TXNRD1: variants seen among roughly 807,000 people sequenced by gnomAD.
TXNRD1 encodes thioredoxin reductase 1, cytoplasmic.
Under a neutral mutation model 80.3 loss-of-function variants are expected in TXNRD1, and 57 were observed. The observed-to-expected ratio is 0.71, with a 90% confidence interval of 0.57 to 0.89. The LOEUF is 0.89. TXNRD1 is among the 40% of genes least tolerant of loss of function. The pLI is 0.00. For missense variants in TXNRD1, 730 were observed against 803.0 expected, an observed-to-expected ratio of 0.91 and a Z score of 1.10; for synonymous variants, 291 against 285.2, an observed-to-expected ratio of 1.02 and a Z score of -0.20.
chr12:104,289,070 G>A (rs543623757), intron 4 of TXNRD1, 30 bp downstream of exon 4: 1 of 1,601,382 alleles, frequency 6.2e-7, no homozygotes, highest in Non-Finnish European at 8.5e-7. Flanking sequence ...CTTTTTAAAC[G>A]GGGGATGAGC....
chr12:104,320,646 G>GTTT (rs777199543), intron 9 of TXNRD1, among the ~76,000 whole-genome samples: 1 of 146,230 alleles, frequency 6.8e-6, no homozygotes, highest in Non-Finnish European at 1.5e-5. Context: ...GATATTGAAA[G>GTTT]TTTTTTTTTT....
At chr12:104,299,079 AC>A (rs1386301315) in intron 4 of TXNRD1, among the ~76,000 whole-genome samples, 1 of 152,208 alleles carries the variant, frequency 6.6e-6, no homozygotes, top group African/African-American at 2.4e-5. Context: ...GTGAAACATC[AC>A]ATCTCACAAA....
chr12:104,257,922 C>A, intron 2 of TXNRD1, 97 bp from the exon 3 acceptor site: 1 of 873,004 alleles, frequency 1.1e-6, no homozygotes, highest in Non-Finnish European at 1.8e-6. Context: ...AAGGTGAAGG[C>A]TGGTTGAGGA....
chr12:104,321,440 C>A, intron 10 of TXNRD1, 124 bp downstream of exon 10: 1 of 704,376 alleles, frequency 1.4e-6, no homozygotes, highest in Non-Finnish European at 2.4e-6. Flanking sequence ...GATTCCCCTA[C>A]TGTTGTATAC....
intron 1 of TXNRD1, 118 bp downstream of exon 1, chr12:104,216,011 T>G: frequency 1.2e-6 from 1 of 824,642 alleles, no homozygotes; most frequent in Non-Finnish European, 1.8e-6. Context: ...CTGGAGTCAG[T>G]GACTGACCGC....
rs943757446 is a variant in TXNRD1, at chr12:104,327,503, A to G, written c.1386-12A>G. ...GTAATTAATGATGATTTTTAACTGA[A>G]TAAAATTGCAGGACTGGAAAAATAC... On this transcript the variant is annotated splice_polypyrimidine_tract_variant and intron_variant, in intron 12 of 16. Coordinates refer to ENST00000525566, the MANE Select transcript of TXNRD1 (RefSeq NM_001093771.3). 2 of 1,603,560 alleles carry G rather than the reference A, an allele frequency of 1.2e-6. No individual in the cohort carries two copies. Among genetic ancestry groups the G allele is most frequent in the Non-Finnish European group, 1.7e-6 (2 of 1,173,228 alleles).
intron 3 of TXNRD1, 83 bp downstream of exon 3, chr12:104,258,162 C>G (rs1264997478): frequency 8.8e-7 from 1 of 1,137,546 alleles, no homozygotes; most frequent in Non-Finnish European, 1.3e-6. Context: ...AATTTGTCTT[C>G]CTTGAGGTTT....
At chr12:104,293,904 C>T (rs2034322184) in intron 4 of TXNRD1, among the ~76,000 whole-genome samples, 1 of 152,150 alleles carries the variant, frequency 6.6e-6, no homozygotes, top group Non-Finnish European at 1.5e-5. Context: ...GGTAAGGTCA[C>T]GTGGGTCATG....
chr12:104,268,653 A>G (rs1454108808), intron 3 of TXNRD1, among the ~76,000 whole-genome samples: 6 of 151,238 alleles, frequency 4.0e-5, no homozygotes, highest in African/African-American at 1.5e-4. Context: ...TGAGTAGCTG[A>G]GACTACAGGC....
intron 3 of TXNRD1, chr12:104,287,420 C>T (rs1197409579): frequency 2.2e-5 from 35 of 1,613,560 alleles, no homozygotes; most frequent in Non-Finnish European, 3.0e-5. Flanking sequence ...TGCAGAACAG[C>T]GGAGAAAATG....
intron 13 of TXNRD1, among the ~76,000 whole-genome samples, chr12:104,328,081 C>T (rs954863280): frequency 8.6e-5 from 13 of 150,748 alleles, no homozygotes; most frequent in South Asian, 2.1e-4. Flanking sequence ...ATTGCTTGAA[C>T]GGGGAACTGG....
Position 104,215,954 on chromosome 12 carries a change from G to A in TXNRD1, c.91+61G>A. The A allele has an allele frequency of 7.0e-6, 10 of 1,438,092 alleles. No individual in the cohort carries two copies. The South Asian group carries it at 1.2e-4, about 18-fold the overall frequency. 89.1% of individuals were successfully genotyped at this position (1,438,092 alleles called of 1,614,324 possible). A position where few individuals can be genotyped will look rare whatever the true frequency, so the allele number is the denominator to read the frequency against. ...ACGGGCCGAAGCGGGCCTTCCGGCC[G>A]GGGTTGGGGATAAAGTGCCCCGGAG... On this transcript the variant is annotated intron_variant, in intron 1 of 16. Coordinates refer to ENST00000525566, the MANE Select transcript of TXNRD1 (RefSeq NM_001093771.3).
chr12:104,344,929 T>C (rs1020939051), intron 16 of TXNRD1, among the ~76,000 whole-genome samples: 1 of 152,202 alleles, frequency 6.6e-6, no homozygotes, highest in African/African-American at 2.4e-5. Context: ...GGAACTCTTT[T>C]CTCTGCCAAA....
At chr12:104,266,768 C>A (rs1447339654) in intron 3 of TXNRD1, among the ~76,000 whole-genome samples, 1 of 151,942 alleles carries the variant, frequency 6.6e-6, no homozygotes, top group East Asian at 1.9e-4. Flanking sequence ...TCAAGACCAT[C>A]TGGCTAACAG....
rs1222919262 is a variant in TXNRD1 at position 104,323,717 on chromosome 12, C to T, written c.1216-1620C>T. On this transcript the variant is annotated intron_variant, in intron 10 of 16. Transcript: ENST00000525566. ...CTCCCTCCCGGACGGGGCGGCTGGC[C>T]GGGCAGAGGGGCTCCTCACTTCCCA... Among the ~76,000 whole-genome samples the T allele has an allele frequency of 9.5e-5, 13 of 136,192 alleles. No homozygotes were observed. In the South Asian group the frequency reaches 3.1e-3, roughly 32 times the overall value. The allele number at this position is 136,192 out of a possible 152,430, so 89.3% of individuals were successfully genotyped here.
At chr12:104,296,685 C>T (rs1014125927) in intron 4 of TXNRD1, among the ~76,000 whole-genome samples, 1 of 152,120 alleles carries the variant, frequency 6.6e-6, no homozygotes, top group Admixed American at 6.6e-5. Context: ...GTGAATAGAT[C>T]GTGGTAGGGC....
chr12:104,326,943 C>T (rs34407590), intron 12 of TXNRD1, among the ~76,000 whole-genome samples: 5,623 of 152,124 alleles, frequency 0.037, 151 homozygotes, highest in Middle Eastern at 0.12. Context: ...TCAAGTGATT[C>T]TTGTGCCTCA....
At chr12:104,304,498 C>T (rs1326933059) in intron 4 of TXNRD1, 1 of 1,613,908 alleles carries the variant, frequency 6.2e-7, no homozygotes, top group South Asian at 1.1e-5. Flanking sequence ...GACTTGAACA[C>T]CAGAAAAAAG....
chr12:104,254,648 T>C (rs148079665), intron 2 of TXNRD1, among the ~76,000 whole-genome samples: 2 of 61,106 alleles, frequency 3.3e-5, no homozygotes, highest in African/African-American at 6.8e-5. Flanking sequence ...AAAAAAAATA[T>C]ATATATATAT....
Sources: allele counts gnomAD v4.1 joint callset (sites outside exome capture counted in the v4.1 genomes callset), GRCh38; gene constraint gnomAD v4.1.1; transcripts MANE v1.5; gene names NCBI Gene and HGNC (gene_info 2026-07-23, HGNC 2026-07-21).